Variants in FRAS1 observed in about 807,000 individuals in gnomAD.
The protein encoded by FRAS1 is extracellular matrix organizing protein FRAS1.
In FRAS1, 290 loss-of-function variants were observed where a neutral mutation model predicts 435.2. That is an observed-to-expected ratio of 0.67 (90% CI 0.61 to 0.73). The LOEUF is 0.73. Among genes scored for constraint, FRAS1 ranks in the 30% least tolerant of loss-of-function variants. The pLI is 0.00. For synonymous variants in FRAS1, 1,800 were observed against 1,851.0 expected, an observed-to-expected ratio of 0.97 and a Z score of 0.71; for missense variants, 4,860 against 5,001.5, an observed-to-expected ratio of 0.97 and a Z score of 0.85.
chr4:78,378,769 A>G (rs377456751), intron 26 of FRAS1, among the ~76,000 whole-genome samples: 5 of 152,206 alleles, frequency 3.3e-5, no homozygotes, highest in East Asian at 3.9e-4. Context: ...TATTCTTGAC[A>G]CAAGTCCCTT....
chr4:78,378,569 C>T (rs1731877020), intron 26 of FRAS1, among the ~76,000 whole-genome samples: 1 of 152,124 alleles, frequency 6.6e-6, no homozygotes, highest in African/African-American at 2.4e-5. Context: ...TTCTCCACGA[C>T]CTAACAATTT....
chr4:78,336,916 T>G (rs971964632), intron 19 of FRAS1, among the ~76,000 whole-genome samples: 1 of 152,316 alleles, frequency 6.6e-6, no homozygotes, highest in East Asian at 1.9e-4. Flanking sequence ...CAGCTGCAGC[T>G]GCAGCCGCCT....
intron 20 of FRAS1, 142 bp from the exon 21 acceptor site, chr4:78,363,371 C>T (rs1731150693): frequency 1.3e-6 from 1 of 748,316 alleles, no homozygotes; most frequent in Non-Finnish European, 2.1e-6. Context: ...TTCTACTTTA[C>T]TGATATACAC....
intron 2 of FRAS1, among the ~76,000 whole-genome samples, chr4:78,074,998 G>A (rs1380935978): frequency 6.6e-6 from 1 of 152,176 alleles, no homozygotes; most frequent in Non-Finnish European, 1.5e-5. Context: ...GATAAGGCAA[G>A]AACTCCGGTT....
intron 2 of FRAS1, among the ~76,000 whole-genome samples, chr4:78,105,842 T>G (rs13119710): frequency 0.16 from 21,623 of 133,192 alleles, 2,173 homozygotes; most frequent in Admixed American, 0.21. Context: ...GGTACCGGGT[T>G]CATCTCACTA....
chr4:78,457,944 G>A (rs1311423688), intron 47 of FRAS1, among the ~76,000 whole-genome samples: 1 of 152,182 alleles, frequency 6.6e-6, no homozygotes, highest in Non-Finnish European at 1.5e-5. Context: ...TTGTCCAGAA[G>A]CCATAATATC....
At chr4:78,255,010 A>G (rs779912136) in intron 5 of FRAS1, among the ~76,000 whole-genome samples, 2 of 152,186 alleles carry the variant, frequency 1.3e-5, no homozygotes, top group Non-Finnish European at 2.9e-5. Context: ...AACTCATCCC[A>G]GGAAGCCAGC....
chr4:78,064,638 TA>T (rs1464342711), intron 1 of FRAS1, among the ~76,000 whole-genome samples: 2 of 151,760 alleles, frequency 1.3e-5, no homozygotes, highest in Non-Finnish European at 2.9e-5. Context: ...ATCAGGGACA[TA>T]AAAATTATTT....
chr4:78,372,101 T>G (rs146049212), intron 23 of FRAS1, among the ~76,000 whole-genome samples: 4 of 152,362 alleles, frequency 2.6e-5, no homozygotes, highest in African/African-American at 9.6e-5. Flanking sequence ...AATTAACATG[T>G]AATTGAGTCC....
chr4:78,145,398 T>G (rs192905479), intron 2 of FRAS1, among the ~76,000 whole-genome samples: 8 of 152,276 alleles, frequency 5.3e-5, no homozygotes, highest in Admixed American at 5.2e-4. Context: ...GAAGCATGGT[T>G]GTTGTTTTTC....
intron 20 of FRAS1, among the ~76,000 whole-genome samples, chr4:78,359,436 A>G (rs1730991201): frequency 6.6e-6 from 1 of 152,232 alleles, no homozygotes; most frequent in African/African-American, 2.4e-5. Flanking sequence ...CTCTGAAGAC[A>G]AAAGTGTTCC....
intron 50 of FRAS1, among the ~76,000 whole-genome samples, chr4:78,467,079 A>G (rs1168887495): frequency 6.6e-6 from 1 of 152,224 alleles, no homozygotes; most frequent in African/African-American, 2.4e-5. Context: ...TTTGTGTTAC[A>G]AACAATCCAG....
intron 29 of FRAS1, among the ~76,000 whole-genome samples, chr4:78,394,179 G>A (rs1404355620): frequency 2.0e-5 from 3 of 151,818 alleles, no homozygotes; most frequent in Non-Finnish European, 4.4e-5. Context: ...TCATTTTGTT[G>A]ATTATTTCCC....
intron 59 of FRAS1, among the ~76,000 whole-genome samples, chr4:78,492,322 G>C (rs750625893): frequency 6.6e-6 from 1 of 152,058 alleles, no homozygotes; most frequent in Non-Finnish European, 1.5e-5. Flanking sequence ...AACCATAAAA[G>C]AGCCATATAG....
chr4:78,480,693 A>G (rs80152694), intron 56 of FRAS1, among the ~76,000 whole-genome samples: 1,746 of 152,306 alleles, frequency 0.011, 30 homozygotes, highest in African/African-American at 0.04. Context: ...TCAGAGACTC[A>G]GGCTCCTTTC....
intron 2 of FRAS1, among the ~76,000 whole-genome samples, chr4:78,196,841 T>C (rs1003459290): frequency 6.8e-6 from 1 of 146,678 alleles, no homozygotes; most frequent in Non-Finnish European, 1.5e-5. Context: ...TTGAATGAGA[T>C]TTTTTTCCTC....
intron 29 of FRAS1, among the ~76,000 whole-genome samples, chr4:78,389,239 G>A (rs767582736): frequency 5.6e-4 from 85 of 152,220 alleles, no homozygotes; most frequent in African/African-American, 1.8e-3. Context: ...AGTAGATTGG[G>A]AAACATAAAT....
intron 2 of FRAS1, among the ~76,000 whole-genome samples, chr4:78,145,134 A>G (rs1368836377): frequency 6.6e-6 from 1 of 152,164 alleles, no homozygotes; most frequent in Non-Finnish European, 1.5e-5. Flanking sequence ...CTCCAACATT[A>G]GGTGTAATCT....
At chr4:78,265,962 G>T (rs546502804) in intron 7 of FRAS1, among the ~76,000 whole-genome samples, 1 of 152,318 alleles carries the variant, frequency 6.6e-6, no homozygotes, top group East Asian at 1.9e-4. Context: ...TGTGCTGCCT[G>T]ACACAGTGGC....
Sources: allele counts gnomAD v4.1 joint callset (sites outside exome capture counted in the v4.1 genomes callset), GRCh38; gene constraint gnomAD v4.1.1; transcripts MANE v1.5; gene names NCBI Gene and HGNC (gene_info 2026-07-23, HGNC 2026-07-21).